The following PLA1A variants were observed in gnomAD, a reference collection of about 807,000 sequenced individuals.
PLA1A encodes phospholipase A1 member A, also known as phosphatidylserine-specific phospholipase A1alpha.
PLA1A carries 47 observed loss-of-function variants against 49.4 expected under a neutral mutation model. That is an observed-to-expected ratio of 0.95 (90% CI 0.75 to 1.21). The LOEUF is 1.21. PLA1A is among the 50% of genes most tolerant of loss of function. PLA1A has a pLI of 0.00. For synonymous variants in PLA1A, 224 were observed against 207.9 expected, an observed-to-expected ratio of 1.08 and a Z score of -0.67; for missense variants, 561 against 563.9, an observed-to-expected ratio of 0.99 and a Z score of 0.05.
At chr3:119,621,081 G>A (rs1296664705) in intron 8 of PLA1A, among the ~76,000 whole-genome samples, 2 of 152,210 alleles carry the variant, frequency 1.3e-5, no homozygotes, top group East Asian at 3.8e-4. Context: ...TCTGGTGGTG[G>A]AGGTGGTGTT....
intron 2 of PLA1A, 70 bp downstream of exon 2, chr3:119,607,045 T>A: frequency 7.9e-7 from 1 of 1,265,110 alleles, no homozygotes; most frequent in Non-Finnish European, 1.2e-6. Context: ...CATAAGAAGT[T>A]AGTGGGCAAC....
intron 9 of PLA1A, 140 bp downstream of exon 9, chr3:119,625,372 A>G (rs1577156477): frequency 4.9e-6 from 3 of 606,726 alleles, no homozygotes; most frequent in African/African-American, 3.7e-5. Context: ...GGCAGCACCT[A>G]CTATAGATCC....
At chr3:119,615,433 C>G (rs1382864216) in intron 5 of PLA1A, among the ~76,000 whole-genome samples, 3 of 152,158 alleles carry the variant, frequency 2.0e-5, no homozygotes, top group Admixed American at 1.3e-4. Flanking sequence ...AGGAAACTTA[C>G]CAAGTTTATA....
intron 1 of PLA1A, among the ~76,000 whole-genome samples, chr3:119,602,212 C>T (rs910493259): frequency 3.3e-5 from 5 of 152,128 alleles, no homozygotes; most frequent in African/African-American, 1.2e-4. Context: ...ATTTTCTATT[C>T]CTGGAACAGC....
rs1354361294 is a variant in PLA1A at position 119,608,864 on chromosome 3, G to A, written c.370G>A (p.Gly124Arg). The A allele has an allele frequency of 3.7e-6, 6 of 1,613,620 alleles. No individual in the cohort carries two copies. The highest frequency in any genetic ancestry group is 2.2e-5 in the East Asian group (1 of 44,892). ...ANVIAVDWIY[G>R]STGVYFSAVK... Reference sequence around the variant, plus strand: ...TGTGATTGCCGTGGACTGGATTTATGGGTCTACAGGAGTCTACTTCTCAGC... The same window carrying A: ...TGTGATTGCCGTGGACTGGATTTATAGGTCTACAGGAGTCTACTTCTCAGC... Residue 124 changes from glycine to arginine, a missense_variant, in exon 3 of 11, where the codon GGG becomes AGG. Gly to Arg is a moderately radical substitution (Grantham distance 125). Transcript: ENST00000273371.
chr3:119,598,069 T>TAG, intron 1 of PLA1A, 83 bp downstream of exon 1: 1 of 843,206 alleles, frequency 1.2e-6, no homozygotes, highest in Non-Finnish European at 1.9e-6. Flanking sequence ...TACTAACTTT[T>TAG]GGAAGATCCC....
At chr3:119,628,888 G>A (rs780839188) in intron 10 of PLA1A, 23 bp downstream of exon 10, 18 of 1,593,132 alleles carry the variant, frequency 1.1e-5, no homozygotes, top group Non-Finnish European at 1.5e-5. Context: ...ATTCACCTCT[G>A]CACCAGATGC....
At chr3:119,610,371 T>C (rs879635136) in intron 4 of PLA1A, among the ~76,000 whole-genome samples, 2 of 152,186 alleles carry the variant, frequency 1.3e-5, no homozygotes, top group Non-Finnish European at 2.9e-5. Context: ...AAGTGGTGAT[T>C]TTATTTTTAG....
intron 8 of PLA1A, among the ~76,000 whole-genome samples, chr3:119,624,067 T>C (rs766436936): frequency 1.3e-5 from 2 of 152,216 alleles, no homozygotes; most frequent in Non-Finnish European, 2.9e-5. Flanking sequence ...CTACTTGTGC[T>C]ACTATGACAC....
chr3:119,620,702 A>T (rs926036466), intron 8 of PLA1A, among the ~76,000 whole-genome samples: 1 of 152,222 alleles, frequency 6.6e-6, no homozygotes, highest in African/African-American at 2.4e-5. Context: ...CAATCAGAGA[A>T]TTTGGGAGAA....
At position 119,618,146 on chromosome 3, in the gene PLA1A, G is replaced by A. The variant is rs762323519; in HGVS notation, c.882G>A (p.Leu294=). ...SYKAFLAGRC[L]DCFNPFLLSC... is the part of the protein sequence containing the mutation. ...AGGCCTTCCTTGCTGGACGCTGTCT[G>A]GATTGCTTTAACCCTTTTCTGCTTT... Residue 294 remains leucine, a synonymous_variant, in exon 7 of 11, where the codon CTG becomes CTA. Coordinates refer to ENST00000273371, the MANE Select transcript of PLA1A (RefSeq NM_015900.4). 2 of 1,614,078 alleles carry A rather than the reference G, an allele frequency of 1.2e-6. No homozygotes were observed. Among genetic ancestry groups the A allele is most frequent in the South Asian group, 1.1e-5 (1 of 91,062 alleles).
intron 8 of PLA1A, among the ~76,000 whole-genome samples, chr3:119,624,110 G>C (rs564710778): frequency 6.6e-6 from 1 of 152,264 alleles, no homozygotes; most frequent in Non-Finnish European, 1.5e-5. Flanking sequence ...ACAAAGCTCA[G>C]AAATTTATTT....
At chr3:119,628,621 A>G in intron 9 of PLA1A, 80 bp from the exon 10 acceptor site, 1 of 1,344,774 alleles carries the variant, frequency 7.4e-7, no homozygotes, top group Non-Finnish European at 1.0e-6. Flanking sequence ...TGCCACCAGC[A>G]GAGCCCGATC....
In PLA1A at chr3:119,606,831, T is replaced by C; in HGVS notation, c.131T>C (p.Phe44Ser). The C allele has an allele frequency of 6.2e-7, 1 of 1,614,172 alleles. No homozygotes were observed. ...KCADFQSANL[F>S]EGTDLKVQFL... ...GCTGACTTCCAGAGCGCCAACCTTT[T>C]TGAAGGCACCGATCTCAAAGTCCAG... Residue 44 changes from phenylalanine to serine, a missense_variant, in exon 2 of 11, where the codon TTT becomes TCT. Phe to Ser is a radical substitution (Grantham distance 155). Transcript: ENST00000273371.
At chr3:119,622,562 C>T (rs1343045736) in intron 8 of PLA1A, among the ~76,000 whole-genome samples, 2 of 152,174 alleles carry the variant, frequency 1.3e-5, no homozygotes, top group African/African-American at 4.8e-5. Context: ...CTCAGATGGG[C>T]CATAGCACTC....
chr3:119,606,521 C>T (rs778506994), intron 1 of PLA1A, among the ~76,000 whole-genome samples: 9 of 152,146 alleles, frequency 5.9e-5, no homozygotes, highest in Non-Finnish European at 8.8e-5. Context: ...TTCACCATGG[C>T]CTTTAATCTC....
At chr3:119,626,015 C>G (rs1208790423) in intron 9 of PLA1A, among the ~76,000 whole-genome samples, 1 of 152,086 alleles carries the variant, frequency 6.6e-6, no homozygotes. Flanking sequence ...AGAGGAGGTC[C>G]AAGAGAAGGA....
chr3:119,618,216 A>C (rs1560084553), intron 7 of PLA1A, 30 bp downstream of exon 7: 28 of 1,577,614 alleles, frequency 1.8e-5, no homozygotes, highest in Non-Finnish European at 2.2e-5. Context: ...ACTTCCTTTG[A>C]CAATGTGGGG....
intron 2 of PLA1A, among the ~76,000 whole-genome samples, chr3:119,608,232 GAA>G (rs750981709): frequency 4.0e-4 from 44 of 110,518 alleles, no homozygotes; most frequent in African/African-American, 5.6e-4. Flanking sequence ...GAAAGAGAGA[GAA>G]AGAAAGAGAG....
Sources: gnomAD v4.1 joint callset for allele counts (sites outside exome capture counted in the v4.1 genomes callset) on GRCh38, gnomAD v4.1.1 for gene constraint, MANE v1.5 for transcripts, NCBI Gene and HGNC (gene_info 2026-07-23, HGNC 2026-07-21) for gene names.